Variants in SART3 observed in about 807,000 individuals in gnomAD.
SART3 encodes the protein spliceosome associated factor 3, U4/U6 recycling protein.
In SART3, 44 loss-of-function variants were observed where a neutral mutation model predicts 122.3. The ratio of observed to expected loss-of-function variants is 0.36; its 90% CI spans 0.28 to 0.46. SART3 has a LOEUF of 0.46. Among genes scored for constraint, SART3 ranks in the 20% least tolerant of loss-of-function variants. The pLI, the probability that SART3 is intolerant of heterozygous loss-of-function variation, is 1.00. For synonymous variants in SART3, 442 were observed against 454.0 expected, an observed-to-expected ratio of 0.97 and a Z score of 0.34; for missense variants, 1,101 against 1,229.0, an observed-to-expected ratio of 0.90 and a Z score of 1.56.
chr12:108,537,461 TA>T, intron 9 of SART3, 26 bp downstream of exon 9: 4 of 1,566,656 alleles, frequency 2.6e-6, no homozygotes, highest in Non-Finnish European at 3.5e-6. Flanking sequence ...TGTTCAGCTC[TA>T]AAGTGAAAAA....
At chr12:108,557,669 A>C (rs751769300) in intron 1 of SART3, among the ~76,000 whole-genome samples, 1 of 152,166 alleles carries the variant, frequency 6.6e-6, no homozygotes, top group Non-Finnish European at 1.5e-5. Context: ...TGCGAGCTGA[A>C]ATAACTTGTA....
Position 108,536,508 on chromosome 12 carries a change from A to T in SART3, c.1446+6T>A, listed in dbSNP as rs58100842. The T allele has an allele frequency of 0.046, 74,440 of 1,613,784 alleles. 1,879 individuals are homozygous for T. Among genetic ancestry groups the T allele is most frequent in the South Asian group, 0.07 (6,403 of 91,076 alleles). On this transcript the variant is annotated splice_donor_region_variant and intron_variant, in intron 11 of 18. Coordinates refer to ENST00000546815, the MANE Select transcript of SART3 (RefSeq NM_014706.4). The stretch of plus-strand genomic sequence containing the variant: ...TGAAAGTGCTAGATGTGTCAAAAAC[A>T]TTTACCTCAATCCTAGCCCAGTTCT...
At chr12:108,560,485 T>C (rs1211540530) in intron 1 of SART3, 3 of 387,980 alleles carry the variant, frequency 7.7e-6, no homozygotes, top group Non-Finnish European at 9.1e-6. Context: ...ATTTCTACTG[T>C]TGGACGTGTG....
At chr12:108,524,656 C>T in intron 17 of SART3, 150 bp from the exon 18 acceptor site, 1 of 685,672 alleles carries the variant, frequency 1.5e-6, no homozygotes, top group East Asian at 2.7e-5. Flanking sequence ...CCCACCACCG[C>T]ATCCTCTGTC....
intron 11 of SART3, among the ~76,000 whole-genome samples, chr12:108,536,007 T>C (rs1456232950): frequency 6.6e-6 from 1 of 152,244 alleles, no homozygotes; most frequent in Non-Finnish European, 1.5e-5. Context: ...GTTACAATCC[T>C]ACCTGCTGAT....
chr12:108,538,101 T>G lies in SART3; in HGVS notation c.1165A>C (p.Met389Leu). The G allele has an allele frequency of 6.2e-7, 1 of 1,614,184 alleles. No homozygotes were observed. Among genetic ancestry groups the G allele is most frequent in the South Asian group, 1.1e-5 (1 of 91,076 alleles). The change falls in exon 8 of 19, where the codon ATG (methionine) becomes CTG (leucine). Residue 389 changes from methionine to leucine, a missense_variant. By Grantham distance (15) the Met-to-Leu change is conservative (BLOSUM62 2). Around this residue, in one of 2 missense-constraint regions of SART3, gnomAD observed 885 missense variants for 1,080.1 expected, o/e 0.82. Coordinates refer to ENST00000546815, the MANE Select transcript of SART3 (RefSeq NM_014706.4). ...VALWSRYLLA[M>L]ERHGVDHQVI... Reference sequence around the variant, plus strand: ...TGATGATCAACTCCATGTCTCTCCATGGCCAAGAGGTACCGACTCCATAAG... The same window carrying G: ...TGATGATCAACTCCATGTCTCTCCAGGGCCAAGAGGTACCGACTCCATAAG...
At chr12:108,531,852 A>G (rs1872688199) in intron 13 of SART3, 1 of 338,476 alleles carries the variant, frequency 3.0e-6, no homozygotes, top group Admixed American at 4.1e-5. Context: ...CCTGCCCATC[A>G]AGAGACATTT....
chr12:108,543,055 C>T lies in SART3; in HGVS notation c.879G>A (p.Glu293=), dbSNP rs1873239602. The change falls in exon 6 of 19, where the codon GAG becomes GAA. Residue 293 remains glutamate (E), a synonymous_variant. Transcript: ENST00000546815. ...QNYNKALQQL[E]KYKPYEEALL... ...GTGCTTCTTCATAGGGTTTATATTT[C>T]TCCAGCTGCTGTAGTGCTTTGTTAT... The T allele has an allele frequency of 1.2e-6, 2 of 1,614,224 alleles. No individual in the cohort carries two copies. The highest frequency in any genetic ancestry group is 3.3e-5 in the Admixed American group (2 of 60,032).
intron 1 of SART3, among the ~76,000 whole-genome samples, chr12:108,554,554 C>G (rs1413078139): frequency 6.6e-6 from 1 of 151,510 alleles, no homozygotes; most frequent in African/African-American, 2.4e-5. Context: ...ATTCATGAGT[C>G]AAAATTAAGA....
chr12:108,550,323 A>C (rs2029955122), intron 1 of SART3, among the ~76,000 whole-genome samples: 1 of 152,308 alleles, frequency 6.6e-6, no homozygotes, highest in South Asian at 2.1e-4. Context: ...GAACTACGAC[A>C]GATTATCCTC....
At chr12:108,527,892 A>G (rs1259355066) in intron 15 of SART3, among the ~76,000 whole-genome samples, 1 of 151,908 alleles carries the variant, frequency 6.6e-6, no homozygotes, top group Non-Finnish European at 1.5e-5. Context: ...CAGCCTCCCG[A>G]GTAGCTGGGA....
At position 108,532,402 on chromosome 12, in the gene SART3, G is replaced by A. The variant is rs548180009; in HGVS notation, c.1557-68C>T. ...TGGAAGGCACTCGAAGGGAGAGGCC[G>A]TCTTCTCCCAGGTAGAAACTCACTC... On this transcript the variant is annotated intron_variant, in intron 12 of 18. Coordinates refer to ENST00000546815, the MANE Select transcript of SART3 (RefSeq NM_014706.4). 5.0e-4 allele frequency: 654 copies of A among 1,316,058 alleles called. 3 individuals are homozygous for A. Among genetic ancestry groups the A allele is most frequent in the African/African-American group, 5.8e-4 (40 of 69,514 alleles). The allele number at this position is 1,316,058 out of a possible 1,614,324, so 81.5% of individuals were successfully genotyped here. A position where few individuals can be genotyped will look rare whatever the true frequency, so the allele number is the denominator to read the frequency against.
intron 16 of SART3, 65 bp downstream of exon 16, chr12:108,526,034 C>T: frequency 7.9e-7 from 1 of 1,258,892 alleles, no homozygotes. Context: ...ATCACTGCTG[C>T]AGGAAGAAAG....
In SART3 at chr12:108,558,771, C is replaced by T. The variant is rs551555240; in HGVS notation, c.312+2072G>A. Reference sequence around the variant, plus strand: ...AGTAGAGGGCAGGCGCGGTGGCTCACGCCTGTAATCCCAGCACTTTGGGAG... The same window carrying T: ...AGTAGAGGGCAGGCGCGGTGGCTCATGCCTGTAATCCCAGCACTTTGGGAG... On this transcript the variant is annotated intron_variant, in intron 1 of 18. Transcript: ENST00000546815. Among the ~76,000 whole-genome samples, 5 of 152,180 alleles carry T rather than the reference C, an allele frequency of 3.3e-5. No homozygotes were observed. The South Asian group carries it at 1.0e-3, about 31-fold the overall frequency.
chr12:108,531,160 A>C, intron 14 of SART3, 44 bp downstream of exon 14: 2 of 1,535,454 alleles, frequency 1.3e-6, no homozygotes, highest in Non-Finnish European at 1.8e-6. Context: ...AACTGAGCCA[A>C]AATAGCTACC....
intron 5 of SART3, among the ~76,000 whole-genome samples, chr12:108,544,145 T>G (rs1423484577): frequency 6.6e-6 from 1 of 152,188 alleles, no homozygotes; most frequent in African/African-American, 2.4e-5. Flanking sequence ...AGAGACCCTA[T>G]CTCTGCCCTT....
At chr12:108,550,676 C>A (rs972078349) in intron 1 of SART3, among the ~76,000 whole-genome samples, 2 of 152,184 alleles carry the variant, frequency 1.3e-5, no homozygotes, top group African/African-American at 4.8e-5. Flanking sequence ...GCCTGGCCAA[C>A]ATGGTGAAAC....
At chr12:108,541,536 C>CAAAGACTT (rs1276229252) in intron 6 of SART3, among the ~76,000 whole-genome samples, 36 of 152,082 alleles carry the variant, frequency 2.4e-4, no homozygotes, top group African/African-American at 8.4e-4. Context: ...GGAAATGGGT[C>CAAAGACTT]AAAGACTTTT....
chr12:108,534,321 G>C (rs75205510), intron 12 of SART3, among the ~76,000 whole-genome samples: 1 of 152,080 alleles, frequency 6.6e-6, no homozygotes, highest in African/African-American at 2.4e-5. Context: ...AAAAAATTGT[G>C]AACTGCAGAT....
Sources: allele counts gnomAD v4.1 joint callset (sites outside exome capture counted in the v4.1 genomes callset), GRCh38; gene constraint gnomAD v4.1.1; regional missense constraint gnomAD v4.1.1; transcripts MANE v1.5; gene names NCBI Gene and HGNC (gene_info 2026-07-23, HGNC 2026-07-21).